The following FRMPD4 variants were observed in gnomAD, a reference collection of about 807,000 sequenced individuals.
FRMPD4 encodes FERM and PDZ domain containing 4.
In FRMPD4, 22 loss-of-function variants were observed where a neutral mutation model predicts 94.1. The observed-to-expected ratio is 0.23, with a 90% CI of 0.17 to 0.33. The LOEUF (loss-of-function observed/expected upper bound fraction) is 0.33, where lower values mean the gene tolerates loss of function less well. Among genes scored for constraint, FRMPD4 ranks in the 10% least tolerant of loss-of-function variants. The pLI, the probability that FRMPD4 is intolerant of heterozygous loss-of-function variation, is 1.00. For missense variants in FRMPD4, 1,111 were observed against 1,339.9 expected (o/e 0.83, Z 2.67); for synonymous variants, 631 against 548.6 (o/e 1.15, Z -2.10).
intron 1 of FRMPD4, chrX:12,498,466 T>C (rs973621325): frequency 7.0e-6 from 3 of 426,600 alleles, no homozygotes; most frequent in African/African-American, 5.0e-5. Context: ...GGCAGGCACC[T>C]AGAAAATTCT....
At chrX:11,854,765 C>T (rs953955752) in intron 1 of FRMPD4, among the ~76,000 whole-genome samples, 2 of 112,452 alleles carry the variant, frequency 1.8e-5, no homozygotes, top group African/African-American at 3.2e-5. Context: ...GGGTACAGCT[C>T]CCTTCCTGGC....
In FRMPD4 at chrX:12,604,893, C is replaced by G. The variant is rs769755731; in HGVS notation, c.159-4828C>G. On this transcript the variant is annotated intron_variant, in intron 2 of 16. Transcript: ENST00000675598. ...ATGTGTTCTCATCATTTAGCTCCCA[C>G]TTATAAGTGAGACCATTCCAGCCAA... Among the ~76,000 whole-genome samples, 8 of 111,868 alleles carry G rather than the reference C, an allele frequency of 7.2e-5. No individual in the cohort carries two copies. The East Asian group carries it at 1.4e-3, about 20-fold the overall frequency.
At chrX:12,306,437 G>A (rs2054944085) in intron 1 of FRMPD4, among the ~76,000 whole-genome samples, 1 of 111,932 alleles carries the variant, frequency 8.9e-6, no homozygotes, top group Non-Finnish European at 1.9e-5. Context: ...TATTCATTAT[G>A]AGAACACAGG....
At position 12,619,018 on chromosome X, in the gene FRMPD4, A is replaced by G. The variant is rs182916762; in HGVS notation, c.422+4137A>G. On this transcript the variant is annotated intron_variant, in intron 4 of 16. Transcript: ENST00000675598. ...AAACAACTTGCTCTTATCCTTTTCTATCAAAGCAGTTGAAGTGGAAAATTG... is the reference window on the plus strand; with the variant it reads ...AAACAACTTGCTCTTATCCTTTTCTGTCAAAGCAGTTGAAGTGGAAAATTG... Among the ~76,000 whole-genome samples, 443 of 111,514 alleles carry G rather than the reference A, an allele frequency of 4.0e-3. 6 individuals are homozygous for G. Among genetic ancestry groups the G allele is most frequent in the Admixed American group, 5.5e-3 (58 of 10,520 alleles).
intron 3 of FRMPD4, among the ~76,000 whole-genome samples, chrX:12,123,484 T>A (rs1322835404): frequency 1.8e-5 from 2 of 111,541 alleles, no homozygotes; most frequent in Non-Finnish European, 3.8e-5. Context: ...CACTCTAGCA[T>A]CTCTCTCCAT....
At chrX:12,155,912 T>C (rs56124431) in intron 1 of FRMPD4, among the ~76,000 whole-genome samples, 1,263 of 111,477 alleles carry the variant, frequency 0.011, 7 homozygotes, top group Non-Finnish European at 0.017. Context: ...AATTTATGGA[T>C]TTATGGCTGC....
chrX:12,536,525 C>T (rs138371607), intron 2 of FRMPD4, among the ~76,000 whole-genome samples: 6 of 111,650 alleles, frequency 5.4e-5, no homozygotes, highest in African/African-American at 9.7e-5. Flanking sequence ...TCCTTGTCTA[C>T]GCACAACCTC....
At chrX:12,678,019 C>A (rs186930820) in intron 5 of FRMPD4, among the ~76,000 whole-genome samples, 2 of 112,446 alleles carry the variant, frequency 1.8e-5, no homozygotes, top group East Asian at 5.5e-4. Flanking sequence ...GCAGAGACAA[C>A]CAGTGTAAAC....
intron 3 of FRMPD4, among the ~76,000 whole-genome samples, chrX:12,070,360 A>T (rs890979916): frequency 5.4e-5 from 6 of 111,959 alleles, no homozygotes; most frequent in African/African-American, 9.7e-5. Context: ...CCAAAAATTT[A>T]AAAAAATAGA....
chrX:12,585,244 C>T, intron 2 of FRMPD4, among the ~76,000 whole-genome samples: 1 of 107,033 alleles, frequency 9.3e-6, no homozygotes, highest in Non-Finnish European at 1.9e-5. Context: ...TTTCTTGAGG[C>T]GGAGTCTTGC....
chrX:12,720,203 G>A (rs951254595), intron 16 of FRMPD4, among the ~76,000 whole-genome samples: 1 of 112,136 alleles, frequency 8.9e-6, no homozygotes, highest in Non-Finnish European at 1.9e-5. Flanking sequence ...TCTATACACA[G>A]TTGTTTTCTG....
At chrX:12,248,787 C>T (rs2053991332) in intron 1 of FRMPD4, among the ~76,000 whole-genome samples, 1 of 112,168 alleles carries the variant, frequency 8.9e-6, no homozygotes, top group Non-Finnish European at 1.9e-5. Flanking sequence ...ACCTGTAATC[C>T]CAGCACTTTG....
chrX:12,602,537 T>C (rs1425412138), intron 2 of FRMPD4, among the ~76,000 whole-genome samples: 1 of 111,838 alleles, frequency 8.9e-6, no homozygotes, highest in Non-Finnish European at 1.9e-5. Flanking sequence ...GTGGAGAAAA[T>C]CCTTTTGACA....
At chrX:12,130,382 G>C (rs2055542331) in intron 3 of FRMPD4, among the ~76,000 whole-genome samples, 1 of 110,965 alleles carries the variant, frequency 9.0e-6, no homozygotes, top group African/African-American at 3.3e-5. Flanking sequence ...CAGGGAGGAG[G>C]GAGGGAAGTA....
intron 4 of FRMPD4, among the ~76,000 whole-genome samples, chrX:12,662,091 A>T (rs1236920944): frequency 8.9e-6 from 1 of 111,857 alleles, no homozygotes; most frequent in Non-Finnish European, 1.9e-5. Flanking sequence ...TCGGAGAAAC[A>T]CTGTTAATCA....
chrX:12,009,463 A>G (rs1289220507), intron 3 of FRMPD4, among the ~76,000 whole-genome samples: 2 of 112,358 alleles, frequency 1.8e-5, no homozygotes, highest in African/African-American at 6.5e-5. Flanking sequence ...AAGCCAGAAA[A>G]TTTTTACAGA....
At chrX:12,420,684 G>C in intron 1 of FRMPD4, among the ~76,000 whole-genome samples, 1 of 112,088 alleles carries the variant, frequency 8.9e-6, no homozygotes, top group Non-Finnish European at 1.9e-5. Context: ...ACCGGTCGTT[G>C]ATATTCAAGT....
chrX:11,904,100 T>G (rs2053954026), intron 3 of FRMPD4, among the ~76,000 whole-genome samples: 1 of 111,795 alleles, frequency 8.9e-6, no homozygotes, highest in South Asian at 3.8e-4. Context: ...TGTTTGAGTG[T>G]AATATTGCAA....
At chrX:12,558,397 C>A (rs1030926762) in intron 2 of FRMPD4, among the ~76,000 whole-genome samples, 8 of 112,675 alleles carry the variant, frequency 7.1e-5, no homozygotes, top group Non-Finnish European at 1.1e-4. Flanking sequence ...ATTTAGATGA[C>A]CAATGTTCTT....
Sources: gnomAD v4.1 joint callset for allele counts (sites outside exome capture counted in the v4.1 genomes callset) on GRCh38, gnomAD v4.1.1 for gene constraint, MANE v1.5 for transcripts, NCBI Gene and HGNC (gene_info 2026-07-23, HGNC 2026-07-21) for gene names.